Variants in SPATS2 observed in about 807,000 individuals in gnomAD.
SPATS2 encodes the protein spermatogenesis associated serine rich 2.
A neutral mutation model predicts 63.7 loss-of-function variants in SPATS2; 38 were observed. The ratio of observed to expected loss-of-function variants is 0.60; its 90% CI spans 0.46 to 0.78. The LOEUF (loss-of-function observed/expected upper bound fraction) is 0.78, where lower values mean the gene tolerates loss of function less well. Among genes scored for constraint, SPATS2 ranks in the 30% least tolerant of loss-of-function variants. SPATS2 has a pLI of 0.00. For synonymous variants in SPATS2, 207 were observed against 232.9 expected, an observed-to-expected ratio of 0.89 and a Z score of 1.01; for missense variants, 588 against 666.2, an observed-to-expected ratio of 0.88 and a Z score of 1.29.
At chr12:49,481,210 AT>A (rs1201642623) in intron 3 of SPATS2, among the ~76,000 whole-genome samples, 1 of 152,128 alleles carries the variant, frequency 6.6e-6, no homozygotes, top group East Asian at 1.9e-4. Context: ...AAATACAAAA[AT>A]TAGCCAGGCG....
chr12:49,483,786 T>TA (rs1389871109), intron 3 of SPATS2, among the ~76,000 whole-genome samples: 1 of 152,178 alleles, frequency 6.6e-6, no homozygotes, highest in Non-Finnish European at 1.5e-5. Context: ...CACCTGGGAG[T>TA]AAAAATCTGC....
At chr12:49,390,512 T>A (rs1196116193) in intron 2 of SPATS2, among the ~76,000 whole-genome samples, 2 of 152,208 alleles carry the variant, frequency 1.3e-5, no homozygotes. Flanking sequence ...TATATCAATT[T>A]AAAAATATAA....
At chr12:49,475,788 A>AT (rs1946107010) in intron 3 of SPATS2, among the ~76,000 whole-genome samples, 1 of 152,052 alleles carries the variant, frequency 6.6e-6, no homozygotes, top group African/African-American at 2.4e-5. Flanking sequence ...ATAGGAAGGA[A>AT]TTTTTTTTAA....
intron 2 of SPATS2, among the ~76,000 whole-genome samples, chr12:49,372,166 C>T (rs189210880): frequency 3.9e-5 from 6 of 152,226 alleles, no homozygotes; most frequent in Non-Finnish European, 7.4e-5. Flanking sequence ...CTGCCTCAGC[C>T]TCCAAGTAGC....
chr12:49,450,792 C>T (rs1425751491), intron 2 of SPATS2, among the ~76,000 whole-genome samples: 1 of 152,062 alleles, frequency 6.6e-6, no homozygotes, highest in Non-Finnish European at 1.5e-5. Context: ...GATCCACCTG[C>T]CTTGGCCTCC....
intron 2 of SPATS2, among the ~76,000 whole-genome samples, chr12:49,453,240 A>C (rs1348607812): frequency 6.6e-6 from 1 of 151,386 alleles, no homozygotes; most frequent in African/African-American, 2.4e-5. Flanking sequence ...TTCCAACTCC[A>C]TGTGGTTGTT....
intron 2 of SPATS2, among the ~76,000 whole-genome samples, chr12:49,447,532 C>T (rs550304737): frequency 3.9e-5 from 6 of 152,254 alleles, no homozygotes; most frequent in South Asian, 2.1e-4. Flanking sequence ...CCACTGTGCC[C>T]GGCCTGTTCT....
intron 4 of SPATS2, chr12:49,486,468 G>T: frequency 3.7e-6 from 1 of 273,780 alleles, no homozygotes; most frequent in Non-Finnish European, 7.3e-6. Context: ...CAAAGTGCTG[G>T]GATTACAGGC....
At chr12:49,470,120 C>G (rs930171279) in intron 3 of SPATS2, among the ~76,000 whole-genome samples, 1 of 152,032 alleles carries the variant, frequency 6.6e-6, no homozygotes, top group African/African-American at 2.4e-5. Flanking sequence ...CAACCTCCAC[C>G]TCCCAGGTTC....
chr12:49,379,396 A>T (rs1944168453), intron 2 of SPATS2, among the ~76,000 whole-genome samples: 1 of 148,556 alleles, frequency 6.7e-6, no homozygotes, highest in Non-Finnish European at 1.5e-5. Flanking sequence ...AAATACAAAA[A>T]AATAATTAGC....
At chr12:49,487,058 A>C (rs1282172091) in intron 4 of SPATS2, among the ~76,000 whole-genome samples, 1 of 152,158 alleles carries the variant, frequency 6.6e-6, no homozygotes, top group Non-Finnish European at 1.5e-5. Flanking sequence ...ATACTCATAA[A>C]ATAATAAGAA....
At chr12:49,367,350 ATC>A, upstream of SPATS2, 1 of 386,674 alleles carries the variant, frequency 2.6e-6, no homozygotes, top group South Asian at 1.3e-4. Context: ...GGTCGGGGTG[ATC>A]TGCTGGATCT....
chr12:49,431,629 A>G (rs1945188099), intron 2 of SPATS2, among the ~76,000 whole-genome samples: 1 of 152,340 alleles, frequency 6.6e-6, no homozygotes, highest in East Asian at 1.9e-4. Flanking sequence ...TGTCCTATTA[A>G]TTGACAATTA....
At chr12:49,391,102 T>A (rs1209969289) in intron 2 of SPATS2, among the ~76,000 whole-genome samples, 2 of 152,252 alleles carry the variant, frequency 1.3e-5, no homozygotes, top group Non-Finnish European at 2.9e-5. Flanking sequence ...GATCTGTTTT[T>A]AAACTCCATC....
intron 3 of SPATS2, among the ~76,000 whole-genome samples, chr12:49,480,948 A>T (rs1946195807): frequency 6.6e-6 from 1 of 152,144 alleles, no homozygotes; most frequent in South Asian, 2.1e-4. Flanking sequence ...GCTTGTCAAG[A>T]CACCTGTTCA....
chr12:49,472,088 A>C lies in SPATS2; in HGVS notation c.25+11051A>C, dbSNP rs552229505. On this transcript the variant is annotated intron_variant, in intron 3 of 13. Coordinates refer to ENST00000552918, the MANE Select transcript of SPATS2 (RefSeq NM_023071.4). ...AGGAGGTTGAGTCTATAGTGAGCCA[A>C]GGTTGCGCCAGTGCACTCCAGCGTG... 5.3e-5 allele frequency among the ~76,000 whole-genome samples: 8 copies of C among 152,236 alleles called. No homozygotes were observed. In the South Asian group the frequency reaches 1.7e-3, roughly 32 times the overall value.
Position 49,403,586 on chromosome 12 carries a change from C to CCACTGTCT in SPATS2, c.-244+32297_-244+32304dup, listed in dbSNP as rs1212979376. On this transcript the variant is annotated intron_variant, in intron 2 of 13. Transcript: ENST00000552918. Reference sequence around the variant, plus strand: ...GAGGTTGCAGTGAGCCGAGATCATGCCACTGTCTACACACACACACACACA... The same window carrying CCACTGTCT: ...GAGGTTGCAGTGAGCCGAGATCATGCCACTGTCTCACTGTCTACACACACACACACACA... 5.7e-5 allele frequency among the ~76,000 whole-genome samples: 8 copies of CCACTGTCT among 141,344 alleles called. No homozygotes were observed. In the Admixed American group the frequency reaches 6.0e-4, roughly 11 times the overall value. 92.7% of individuals were successfully genotyped at this position (141,344 alleles called of 152,430 possible).
chr12:49,416,409 C>T (rs1045272876), intron 2 of SPATS2, among the ~76,000 whole-genome samples: 10 of 152,160 alleles, frequency 6.6e-5, no homozygotes, highest in African/African-American at 2.2e-4. Flanking sequence ...TACTGGGTAT[C>T]TTATATGGTG....
intron 3 of SPATS2, among the ~76,000 whole-genome samples, chr12:49,484,092 C>T (rs749356056): frequency 2.0e-5 from 3 of 152,130 alleles, no homozygotes; most frequent in Non-Finnish European, 2.9e-5. Flanking sequence ...GGATGCCTTG[C>T]GTCATCAAGC....
Sources: allele counts gnomAD v4.1 joint callset (sites outside exome capture counted in the v4.1 genomes callset), GRCh38; gene constraint gnomAD v4.1.1; transcripts MANE v1.5; gene names NCBI Gene and HGNC (gene_info 2026-07-23, HGNC 2026-07-21).